The following RARB variants were observed in gnomAD, a reference collection of about 807,000 sequenced individuals.
RARB encodes retinoic acid receptor beta, also known as HBV-activated protein.
Under a neutral mutation model 51.9 loss-of-function variants are expected in RARB, and 17 were observed. That is an observed-to-expected ratio of 0.33 (90% CI 0.22 to 0.49). RARB has a LOEUF of 0.49. Ranked by LOEUF, RARB falls within the 20% of genes least tolerant of loss-of-function variation. The pLI is 0.99. For missense variants in RARB, 369 were observed against 550.8 expected, an observed-to-expected ratio of 0.67 and a Z score of 3.30; for synonymous variants, 215 against 195.4, an observed-to-expected ratio of 1.10 and a Z score of -0.84.
chr3:24,944,342 T>G (rs1228670543), intron 2 of RARB, among the ~76,000 whole-genome samples: 1 of 152,238 alleles, frequency 6.6e-6, no homozygotes, highest in African/African-American at 2.4e-5. Flanking sequence ...AATAAACATT[T>G]GCCGTATGAT....
At chr3:25,111,122 A>G (rs1359253068) in intron 3 of RARB, among the ~76,000 whole-genome samples, 1 of 152,198 alleles carries the variant, frequency 6.6e-6, no homozygotes, top group Non-Finnish European at 1.5e-5. Context: ...AAGGAAGTCA[A>G]GAATCCATAT....
chr3:25,594,873 A>C (rs1316597963), intron 7 of RARB, among the ~76,000 whole-genome samples, 195 bp downstream of exon 7: 1 of 151,362 alleles, frequency 6.6e-6, no homozygotes, highest in East Asian at 1.9e-4. Flanking sequence ...ATCTTACCCT[A>C]TTCAATTATC....
intron 5 of RARB, among the ~76,000 whole-genome samples, chr3:25,239,417 G>A (rs1300876242): frequency 6.6e-6 from 1 of 152,070 alleles, no homozygotes; most frequent in East Asian, 1.9e-4. Context: ...TATTCTTCTA[G>A]TAATTTTATA....
chr3:25,195,587 A>G (rs992050699), intron 5 of RARB, among the ~76,000 whole-genome samples: 3 of 152,132 alleles, frequency 2.0e-5, no homozygotes, highest in Middle Eastern at 3.4e-3. Context: ...TTTTCTTAGG[A>G]CCTTATAAAG....
chr3:24,874,619 G>C (rs1485893454), intron 2 of RARB, among the ~76,000 whole-genome samples: 1 of 151,840 alleles, frequency 6.6e-6, no homozygotes, highest in Admixed American at 6.6e-5. Context: ...AGATCATTTT[G>C]ATTAGATTTT....
chr3:24,936,695 G>A (rs1318131231), intron 2 of RARB, among the ~76,000 whole-genome samples: 1 of 152,224 alleles, frequency 6.6e-6, no homozygotes, highest in Non-Finnish European at 1.5e-5. Flanking sequence ...AAGCCAGGCA[G>A]AAAATTATGA....
chr3:25,572,603 G>A (rs146050971), intron 4 of RARB, among the ~76,000 whole-genome samples: 32 of 152,256 alleles, frequency 2.1e-4, no homozygotes, highest in Non-Finnish European at 4.1e-4. Flanking sequence ...AAGGGAGAAT[G>A]GAAGCTGGGG....
intron 5 of RARB, among the ~76,000 whole-genome samples, chr3:25,193,514 A>G (rs1254302779): frequency 1.3e-5 from 2 of 152,116 alleles, no homozygotes; most frequent in African/African-American, 4.8e-5. Flanking sequence ...ATATGTTTCA[A>G]TTAGCTCAAC....
chr3:25,530,772 G>C (rs1698867552), intron 3 of RARB, among the ~76,000 whole-genome samples: 1 of 152,126 alleles, frequency 6.6e-6, no homozygotes, highest in South Asian at 2.1e-4. Flanking sequence ...CATATTCACA[G>C]CTTCTGGAGA....
At chr3:25,262,181 C>T (rs1575267321) in intron 5 of RARB, among the ~76,000 whole-genome samples, 1 of 152,118 alleles carries the variant, frequency 6.6e-6, no homozygotes, top group Non-Finnish European at 1.5e-5. Context: ...TGGACCAGAT[C>T]AATGGAACTT....
intron 5 of RARB, among the ~76,000 whole-genome samples, chr3:25,197,180 C>G (rs1235304233): frequency 6.6e-6 from 1 of 152,000 alleles, no homozygotes; most frequent in Non-Finnish European, 1.5e-5. Flanking sequence ...AGGTTGTCTT[C>G]TAGGGTTATT....
intron 2 of RARB, among the ~76,000 whole-genome samples, chr3:25,019,081 T>A (rs2125283826): frequency 6.6e-6 from 1 of 152,316 alleles, no homozygotes; most frequent in South Asian, 2.1e-4. Context: ...TGGCTTCAAC[T>A]GAGAGATGAC....
chr3:25,076,923 C>G (rs2125311071), intron 3 of RARB, among the ~76,000 whole-genome samples: 1 of 152,210 alleles, frequency 6.6e-6, no homozygotes, highest in East Asian at 1.9e-4. Context: ...CAAATCTGGT[C>G]CAATATGATG....
intron 2 of RARB, among the ~76,000 whole-genome samples, chr3:24,872,471 T>C (rs1179591526): frequency 2.6e-5 from 4 of 152,210 alleles, no homozygotes; most frequent in Admixed American, 6.5e-5. Flanking sequence ...TTTTGGCTTA[T>C]AGTTCTTCAT....
At chr3:25,586,441 T>G (rs1339930542) in intron 5 of RARB, among the ~76,000 whole-genome samples, 1 of 152,162 alleles carries the variant, frequency 6.6e-6, no homozygotes, top group Non-Finnish European at 1.5e-5. Flanking sequence ...AGTGAATATT[T>G]GTGAATGGAT....
At chr3:24,938,829 T>G (rs1695597923) in intron 2 of RARB, among the ~76,000 whole-genome samples, 1 of 152,222 alleles carries the variant, frequency 6.6e-6, no homozygotes, top group South Asian at 2.1e-4. Context: ...TTTGTCCTTT[T>G]GTATCTGGCT....
intron 5 of RARB, among the ~76,000 whole-genome samples, chr3:25,203,954 T>G (rs560839856): frequency 1.4e-4 from 21 of 152,156 alleles, no homozygotes; most frequent in Non-Finnish European, 2.9e-4. Context: ...TCTGTGTATT[T>G]CCTGAATTTG....
intron 2 of RARB, among the ~76,000 whole-genome samples, chr3:24,943,326 T>C (rs1228220120): frequency 6.6e-6 from 1 of 152,206 alleles, no homozygotes; most frequent in African/African-American, 2.4e-5. Context: ...GCCAAATCTT[T>C]TGGGGGTAAA....
chr3:25,580,164 G>A (rs559761458), intron 4 of RARB, among the ~76,000 whole-genome samples: 127 of 152,226 alleles, frequency 8.3e-4, no homozygotes, highest in African/African-American at 2.9e-3. Flanking sequence ...CATGAGGTCA[G>A]GAGATCGAGA....
Sources: gnomAD v4.1 joint callset for allele counts (sites outside exome capture counted in the v4.1 genomes callset) on GRCh38, gnomAD v4.1.1 for gene constraint, MANE v1.5 for transcripts, NCBI Gene and HGNC (gene_info 2026-07-23, HGNC 2026-07-21) for gene names.